The following RBFOX1 variants were observed in gnomAD, a reference collection of about 807,000 sequenced individuals.
RBFOX1 encodes RNA binding protein fox-1 homolog 1.
RBFOX1 carries 8 observed loss-of-function variants against 57.7 expected under a neutral mutation model. That is an observed-to-expected ratio of 0.14 (90% CI 0.08 to 0.25). RBFOX1 has a LOEUF of 0.25. Ranked by LOEUF, RBFOX1 falls within the 10% of genes least tolerant of loss-of-function variation. The pLI, the probability that RBFOX1 is intolerant of heterozygous loss-of-function variation, is 1.00. For missense variants in RBFOX1, 611 were observed against 548.5 expected (o/e 1.11, Z -1.14); for synonymous variants, 326 against 222.4 (o/e 1.47, Z -4.15).
At chr16:6,501,375 G>A (rs2095919964) in intron 2 of RBFOX1, among the ~76,000 whole-genome samples, 1 of 142,514 alleles carries the variant, frequency 7.0e-6, no homozygotes, top group Non-Finnish European at 1.5e-5. Context: ...CCACCTATGA[G>A]TGAGAACATG....
intron 4 of RBFOX1, among the ~76,000 whole-genome samples, chr16:7,104,420 C>A (rs1030478720): frequency 1.3e-5 from 2 of 152,104 alleles, no homozygotes; most frequent in Admixed American, 6.6e-5. Context: ...TTAAAACAGA[C>A]TATTGTCATC....
intron 3 of RBFOX1, among the ~76,000 whole-genome samples, chr16:6,994,138 G>C (rs2091921826): frequency 6.6e-6 from 1 of 152,094 alleles, no homozygotes; most frequent in South Asian, 2.1e-4. Context: ...TTTGGGAATT[G>C]CGCTTGGGGT....
rs560709268 is a variant in RBFOX1 at position 7,525,308 on chromosome 16, T to C, written c.270+6919T>C. Among the ~76,000 whole-genome samples, 6 of 152,302 alleles carry C rather than the reference T, an allele frequency of 3.9e-5. 1 individual carries two copies. The South Asian group carries it at 1.2e-3, about 32-fold the overall frequency. On this transcript the variant is annotated intron_variant, in intron 5 of 15. Transcript: ENST00000550418. The stretch of plus-strand genomic sequence containing the variant: ...TCATTATTTTGTGTGTGTGTGTGTG[T>C]GCATTTTTATGTACAGAAGTATCCT...
At chr16:7,371,362 G>C (rs2097562315) in intron 4 of RBFOX1, among the ~76,000 whole-genome samples, 1 of 152,158 alleles carries the variant, frequency 6.6e-6, no homozygotes, top group African/African-American at 2.4e-5. Flanking sequence ...CGGAAGACGG[G>C]AAATGAAGCC....
rs367560163 is a variant in RBFOX1, at chr16:6,020,279, T to C, written c.-127+287T>C. Among the ~76,000 whole-genome samples the C allele has an allele frequency of 3.0e-4, 45 of 152,102 alleles. No homozygotes were observed. In the East Asian group the frequency reaches 4.3e-3, roughly 15 times the overall value. ...CGAAGCATCCAGGCTACCTCGTCCG[T>C]CCTCCTGGGAGCGAGTCCTAGGTGC... On this transcript the variant is annotated intron_variant, in intron 1 of 15. Coordinates refer to ENST00000550418, the MANE Select transcript of RBFOX1 (RefSeq NM_018723.4).
At chr16:6,317,397 T>G (rs1213087788) in intron 2 of RBFOX1, among the ~76,000 whole-genome samples, 2 of 152,176 alleles carry the variant, frequency 1.3e-5, no homozygotes, top group Non-Finnish European at 2.9e-5. Flanking sequence ...TCTGTCCCCC[T>G]TCTGAGTCAC....
intron 2 of RBFOX1, among the ~76,000 whole-genome samples, chr16:6,450,837 G>GTA (rs1555480732): frequency 2.3e-4 from 5 of 21,746 alleles, no homozygotes; most frequent in African/African-American, 5.3e-4. Context: ...ATATATATAT[G>GTA]TGTATATATA....
chr16:6,612,879 A>AATG (rs1458092244), intron 2 of RBFOX1, among the ~76,000 whole-genome samples: 1 of 149,918 alleles, frequency 6.7e-6, no homozygotes, highest in Non-Finnish European at 1.5e-5. Flanking sequence ...TAATAATAAT[A>AATG]TTTGTTTGTT....
chr16:5,641,531 C>G (rs11867075), intron 3 of RBFOX1, among the ~76,000 whole-genome samples: 97 of 152,302 alleles, frequency 6.4e-4, no homozygotes, highest in African/African-American at 2.1e-3. Flanking sequence ...GGCACAGGGT[C>G]ACTGTGCCAC....
In RBFOX1 at chr16:7,232,057, G is replaced by A. The variant is rs192454685; in HGVS notation, c.27+179959G>A. On this transcript the variant is annotated intron_variant, in intron 4 of 15. Coordinates refer to ENST00000550418, the MANE Select transcript of RBFOX1 (RefSeq NM_018723.4). ...CCTTTTTTTTTTGAGACAGAGTCTC[G>A]GTCTGTCACCCAGGCTAGATTGCAG... Among the ~76,000 whole-genome samples, 94 of 151,908 alleles carry A rather than the reference G, an allele frequency of 6.2e-4. 2 individuals carry two copies. Among genetic ancestry groups the A allele is most frequent in the Admixed American group, 6.6e-5 (1 of 15,258 alleles).
At chr16:5,486,448 C>T (rs750863175) in intron 2 of RBFOX1, among the ~76,000 whole-genome samples, 3 of 152,198 alleles carry the variant, frequency 2.0e-5, no homozygotes, top group Non-Finnish European at 2.9e-5. Flanking sequence ...CGTCATTGTA[C>T]AGAGTGATCT....
intron 4 of RBFOX1, among the ~76,000 whole-genome samples, chr16:7,248,571 C>T (rs1228500243): frequency 6.6e-6 from 1 of 152,182 alleles, no homozygotes; most frequent in Non-Finnish European, 1.5e-5. Context: ...AGCCATGAGC[C>T]ACCTTCCTTC....
chr16:7,213,007 A>G (rs911520942), intron 4 of RBFOX1, among the ~76,000 whole-genome samples: 38 of 152,294 alleles, frequency 2.5e-4, no homozygotes, highest in African/African-American at 8.9e-4. Flanking sequence ...CTTGTAAGGC[A>G]AATATGATTG....
chr16:6,381,539 G>A (rs2091815231), intron 2 of RBFOX1, among the ~76,000 whole-genome samples: 1 of 152,178 alleles, frequency 6.6e-6, no homozygotes, highest in African/African-American at 2.4e-5. Context: ...CTTTTAAACA[G>A]GAGGAATGAT....
intron 4 of RBFOX1, among the ~76,000 whole-genome samples, chr16:7,507,354 T>C (rs1420444027): frequency 6.6e-6 from 1 of 152,054 alleles, no homozygotes; most frequent in Non-Finnish European, 1.5e-5. Context: ...ATTTAAAGAA[T>C]GTTGGTATGA....
intron 1 of RBFOX1, among the ~76,000 whole-genome samples, chr16:6,284,560 C>T (rs893511015): frequency 3.3e-5 from 5 of 152,086 alleles, no homozygotes; most frequent in East Asian, 1.9e-4. Context: ...CTGAGGAAGA[C>T]GCCATAGCAA....
chr16:6,192,629 G>T (rs1055064875), intron 1 of RBFOX1, among the ~76,000 whole-genome samples: 1 of 152,154 alleles, frequency 6.6e-6, no homozygotes, highest in Non-Finnish European at 1.5e-5. Context: ...CGGTGGTGGA[G>T]ATCCAAGTTT....
At chr16:6,816,800 A>G (rs115150375) in intron 3 of RBFOX1, among the ~76,000 whole-genome samples, 3,962 of 151,746 alleles carry the variant, frequency 0.026, 163 homozygotes, top group African/African-American at 0.089. Context: ...GTTGGACTGC[A>G]GTGATGCAAT....
At chr16:7,221,178 G>C (rs1420207788) in intron 4 of RBFOX1, among the ~76,000 whole-genome samples, 1 of 152,078 alleles carries the variant, frequency 6.6e-6, no homozygotes, top group African/African-American at 2.4e-5. Flanking sequence ...ATTTTAGAGA[G>C]TGTGAATTAA....
Sources: gnomAD v4.1 joint callset for allele counts (sites outside exome capture counted in the v4.1 genomes callset) on GRCh38, gnomAD v4.1.1 for gene constraint, MANE v1.5 for transcripts, NCBI Gene and HGNC (gene_info 2026-07-23, HGNC 2026-07-21) for gene names.